The following TBC1D22A variants were observed in gnomAD, a reference collection of about 807,000 sequenced individuals.
TBC1D22A encodes the protein TBC1 domain family member 22A, also known as putative GTPase activator.
A neutral mutation model predicts 60.2 loss-of-function variants in TBC1D22A; 38 were observed. The ratio of observed to expected loss-of-function variants is 0.63; its 90% CI spans 0.49 to 0.83. TBC1D22A has a LOEUF of 0.83. Among genes scored for constraint, TBC1D22A ranks in the 40% least tolerant of loss-of-function variants. TBC1D22A has a pLI of 0.00. For missense variants in TBC1D22A, 628 were observed against 701.0 expected (o/e 0.90, Z 1.18); for synonymous variants, 302 against 281.7 (o/e 1.07, Z -0.72).
intron 10 of TBC1D22A, among the ~76,000 whole-genome samples, chr22:47,024,328 G>A (rs1379500854): frequency 6.6e-6 from 1 of 152,192 alleles, no homozygotes; most frequent in African/African-American, 2.4e-5. Context: ...GGACAGTTGG[G>A]CCACACTAAT....
rs376386472 is a variant in TBC1D22A, at chr22:46,957,046, G to A, written c.1016-17244G>A. 2.6e-5 allele frequency among the ~76,000 whole-genome samples: 4 copies of A among 152,348 alleles called. No homozygotes were observed. The East Asian group carries it at 5.8e-4, about 22-fold the overall frequency. ...ATGGCAGGTCCCTGAAGGCTCGCCT[G>A]TGGAGGCCTTGCTCTGAAGACAGTG... On this transcript the variant is annotated intron_variant, in intron 8 of 12. Coordinates refer to ENST00000337137, the MANE Select transcript of TBC1D22A (RefSeq NM_014346.5).
chr22:47,027,486 C>T (rs2062296938), intron 10 of TBC1D22A, among the ~76,000 whole-genome samples: 7 of 152,104 alleles, frequency 4.6e-5, no homozygotes, highest in Admixed American at 4.6e-4. Flanking sequence ...CACCCCCTTC[C>T]CACCCTTTTC....
intron 4 of TBC1D22A, among the ~76,000 whole-genome samples, chr22:46,849,919 G>C (rs2087192962): frequency 6.6e-6 from 1 of 152,198 alleles, no homozygotes; most frequent in African/African-American, 2.4e-5. Context: ...ATTTAGCCAG[G>C]TTGGTTTAGA....
chr22:46,784,734 A>G (rs1330304731), intron 1 of TBC1D22A, among the ~76,000 whole-genome samples: 1 of 152,242 alleles, frequency 6.6e-6, no homozygotes, highest in Middle Eastern at 3.2e-3. Flanking sequence ...ATACATTGGG[A>G]AATGATAGGA....
At chr22:46,874,208 A>G (rs1338366148) in intron 4 of TBC1D22A, among the ~76,000 whole-genome samples, 2 of 152,120 alleles carry the variant, frequency 1.3e-5, no homozygotes, top group Non-Finnish European at 1.5e-5. Context: ...GGTTGATTCC[A>G]TGTCTTTGCT....
At chr22:46,966,442 G>A (rs375929783) in intron 8 of TBC1D22A, among the ~76,000 whole-genome samples, 3 of 152,158 alleles carry the variant, frequency 2.0e-5, no homozygotes, top group East Asian at 3.9e-4. Flanking sequence ...TTTCGTCCTC[G>A]CTTTTCTCCC....
intron 8 of TBC1D22A, among the ~76,000 whole-genome samples, chr22:46,941,105 G>GCACA (rs2071999835): frequency 1.8e-5 from 1 of 56,684 alleles, no homozygotes; most frequent in African/African-American, 7.6e-5. Flanking sequence ...TGGGGCACTA[G>GCACA]CATACACACA....
chr22:47,058,025 C>T (rs1406739334), intron 11 of TBC1D22A, among the ~76,000 whole-genome samples: 2 of 152,190 alleles, frequency 1.3e-5, no homozygotes, highest in Non-Finnish European at 2.9e-5. Context: ...GGGCCTCGAC[C>T]CCCCTTGGGC....
intron 7 of TBC1D22A, among the ~76,000 whole-genome samples, chr22:46,903,239 C>T (rs1310872265): frequency 6.6e-6 from 1 of 152,144 alleles, no homozygotes; most frequent in African/African-American, 2.4e-5. Flanking sequence ...AGGTGAAGTG[C>T]AGTGGCACAG....
chr22:46,898,431 A>C (rs765109747), intron 7 of TBC1D22A, among the ~76,000 whole-genome samples: 41 of 152,212 alleles, frequency 2.7e-4, no homozygotes, highest in Non-Finnish European at 5.0e-4. Context: ...CAGGGCTCCA[A>C]ATTTAAAGGG....
At chr22:46,996,031 G>A (rs932295982) in intron 9 of TBC1D22A, among the ~76,000 whole-genome samples, 3 of 152,306 alleles carry the variant, frequency 2.0e-5, no homozygotes, top group South Asian at 4.1e-4. Context: ...CCGCTGCCAC[G>A]CAAAGCAGCA....
At chr22:47,084,247 G>A (rs1230828564) in intron 11 of TBC1D22A, among the ~76,000 whole-genome samples, 1 of 152,326 alleles carries the variant, frequency 6.6e-6, no homozygotes, top group East Asian at 1.9e-4. Context: ...ATCTGTGGCC[G>A]GCGGCTACAG....
chr22:46,774,458 G>A (rs1032325367), intron 1 of TBC1D22A, among the ~76,000 whole-genome samples: 2 of 152,236 alleles, frequency 1.3e-5, no homozygotes, highest in South Asian at 2.1e-4. Context: ...CGAGTGCTGC[G>A]GTTCATGAAG....
chr22:46,915,470 T>C, intron 8 of TBC1D22A: 1 of 456,690 alleles, frequency 2.2e-6, no homozygotes. Flanking sequence ...GCGTTCAGGT[T>C]ATCATGTGAC....
rs369339919 is a variant in TBC1D22A at position 46,876,989 on chromosome 22, T to C, written c.638-1664T>C. Among the ~76,000 whole-genome samples the C allele has an allele frequency of 1.7e-4, 26 of 152,354 alleles. No homozygotes were observed. In the East Asian group the frequency reaches 3.7e-3, roughly 21 times the overall value. On this transcript the variant is annotated intron_variant, in intron 4 of 12. Transcript: ENST00000337137. ...TTCATTCTTTACCTGTATTATTCTTTGAATATCCTGCTGCTGTGCTTTGAT... is the reference window on the plus strand; with the variant it reads ...TTCATTCTTTACCTGTATTATTCTTCGAATATCCTGCTGCTGTGCTTTGAT...
chr22:47,045,914 C>T (rs188341451), intron 11 of TBC1D22A, among the ~76,000 whole-genome samples: 4 of 152,238 alleles, frequency 2.6e-5, no homozygotes, highest in African/African-American at 4.8e-5. Flanking sequence ...CCTGGCACTG[C>T]ACCCCCACAG....
intron 1 of TBC1D22A, among the ~76,000 whole-genome samples, chr22:46,778,706 T>C (rs1257725365): frequency 1.3e-5 from 2 of 152,146 alleles, no homozygotes; most frequent in African/African-American, 2.4e-5. Context: ...TGTATTTTGT[T>C]TTTTAAACAA....
chr22:47,015,813 G>C (rs186520332), intron 10 of TBC1D22A, among the ~76,000 whole-genome samples: 1 of 152,270 alleles, frequency 6.6e-6, no homozygotes, highest in Non-Finnish European at 1.5e-5. Flanking sequence ...GGAGCATTTC[G>C]GGGTCTTGGC....
intron 4 of TBC1D22A, among the ~76,000 whole-genome samples, chr22:46,832,136 T>C (rs1237284703): frequency 6.6e-6 from 1 of 152,220 alleles, no homozygotes; most frequent in Non-Finnish European, 1.5e-5. Flanking sequence ...GGGCAGGATG[T>C]CTGGCCTGAT....
Sources: allele counts gnomAD v4.1 joint callset (sites outside exome capture counted in the v4.1 genomes callset), GRCh38; gene constraint gnomAD v4.1.1; transcripts MANE v1.5; gene names NCBI Gene and HGNC (gene_info 2026-07-23, HGNC 2026-07-21).